Variants in NAV2 observed in about 807,000 individuals in gnomAD.
NAV2 encodes the protein neuron navigator 2.
A neutral mutation model predicts 223.2 loss-of-function variants in NAV2; 54 were observed. The observed-to-expected ratio is 0.24, with a 90% confidence interval of 0.19 to 0.30. The LOEUF (loss-of-function observed/expected upper bound fraction) is 0.30. Among genes scored for constraint, NAV2 ranks in the 10% least tolerant of loss-of-function variants. The pLI, the probability that NAV2 is intolerant of heterozygous loss-of-function variation, is 1.00. For missense variants in NAV2, 2,806 were observed against 3,147.5 expected (o/e 0.89, Z 2.60); for synonymous variants, 1,279 against 1,239.3 (o/e 1.03, Z -0.67).
At chr11:19,966,571 A>G (rs1188606457) in intron 10 of NAV2, among the ~76,000 whole-genome samples, 1 of 152,054 alleles carries the variant, frequency 6.6e-6, no homozygotes, top group African/African-American at 2.4e-5. Flanking sequence ...TGAACCACAG[A>G]CGTTTTCCTT....
chr11:20,081,157 G>C (rs1283695271), intron 25 of NAV2, among the ~76,000 whole-genome samples: 2 of 152,122 alleles, frequency 1.3e-5, no homozygotes, highest in African/African-American at 4.8e-5. Context: ...TAGTAATTTT[G>C]GTTGTCAATG....
At chr11:19,760,482 C>A (rs1342921166) in intron 1 of NAV2, among the ~76,000 whole-genome samples, 1 of 152,168 alleles carries the variant, frequency 6.6e-6, no homozygotes, top group Non-Finnish European at 1.5e-5. Context: ...ACCATGCACA[C>A]CAACCATCGA....
intron 6 of NAV2, among the ~76,000 whole-genome samples, chr11:19,912,606 A>C (rs2043408248): frequency 6.6e-6 from 1 of 152,184 alleles, no homozygotes; most frequent in Non-Finnish European, 1.5e-5. Context: ...TGTCATGAAG[A>C]CCGTCCTTTA....
At chr11:20,071,089 A>G (rs949729904) in intron 22 of NAV2, among the ~76,000 whole-genome samples, 3 of 149,226 alleles carry the variant, frequency 2.0e-5, no homozygotes, top group African/African-American at 7.5e-5. Flanking sequence ...ATTTCTCCTA[A>G]TACTATCCCT....
At chr11:19,950,785 A>G (rs1207558760) in intron 10 of NAV2, among the ~76,000 whole-genome samples, 6 of 152,372 alleles carry the variant, frequency 3.9e-5, no homozygotes, top group East Asian at 3.9e-4. Flanking sequence ...TACTTAATGT[A>G]TATACACAGA....
chr11:20,067,022 G>A lies in NAV2; in HGVS notation c.4885-1164G>A, dbSNP rs148933889. 2.9e-4 allele frequency among the ~76,000 whole-genome samples: 44 copies of A among 152,300 alleles called. No homozygotes were observed. The East Asian group carries it at 7.9e-3, about 27-fold the overall frequency. On this transcript the variant is annotated intron_variant, in intron 20 of 37. Coordinates refer to ENST00000349880, the MANE Select transcript of NAV2 (RefSeq NM_145117.5). ...ATTCATGTGGGCTCCCCCTGTGGGA[G>A]GAGAGAGGGTCTTATAGTTTCTGGC... is the stretch of plus-strand genomic sequence containing the variant.
chr11:19,498,657 C>A (rs552936246), intron 1 of NAV2, among the ~76,000 whole-genome samples: 3 of 152,282 alleles, frequency 2.0e-5, no homozygotes, highest in African/African-American at 7.2e-5. Context: ...CTGTTACATT[C>A]TTTCGTCTAT....
chr11:19,370,971 A>G (rs1202165601), intron 1 of NAV2, among the ~76,000 whole-genome samples: 3 of 152,228 alleles, frequency 2.0e-5, no homozygotes, highest in Non-Finnish European at 2.9e-5. Context: ...AGAAGGTCAG[A>G]GATGGAGGTT....
chr11:19,372,850 A>G (rs1417574223), intron 1 of NAV2, among the ~76,000 whole-genome samples: 1 of 152,242 alleles, frequency 6.6e-6, no homozygotes, highest in Admixed American at 6.5e-5. Flanking sequence ...TGGAGTTTCT[A>G]GGAAAGATTC....
intron 1 of NAV2, among the ~76,000 whole-genome samples, chr11:19,551,952 A>G (rs981745093): frequency 1.3e-5 from 2 of 151,106 alleles, no homozygotes; most frequent in Non-Finnish European, 2.9e-5. Context: ...TTTCAAGAGG[A>G]CATTAGCTCC....
chr11:19,438,606 C>T (rs1268361856), intron 1 of NAV2, among the ~76,000 whole-genome samples: 1 of 152,200 alleles, frequency 6.6e-6, no homozygotes, highest in African/African-American at 2.4e-5. Context: ...GTGACATTGA[C>T]CAATCAGCTA....
At chr11:19,996,811 G>A (rs572516925) in intron 11 of NAV2, among the ~76,000 whole-genome samples, 4 of 152,324 alleles carry the variant, frequency 2.6e-5, no homozygotes, top group African/African-American at 9.6e-5. Flanking sequence ...GCTCAGTACT[G>A]TAAAATTGCC....
At position 19,940,547 on chromosome 11, in the gene NAV2, G is replaced by A. The variant is rs185517008; in HGVS notation, c.2146+774G>A. ...TCAGGGAAATGAGTGGTAAGCCATGGATTTATTAGTGGCTGTGTCATTCTT... is the reference window on the plus strand; with the variant it reads ...TCAGGGAAATGAGTGGTAAGCCATGAATTTATTAGTGGCTGTGTCATTCTT... On this transcript the variant is annotated intron_variant, in intron 8 of 37. Coordinates refer to ENST00000349880, the MANE Select transcript of NAV2 (RefSeq NM_145117.5). Among the ~76,000 whole-genome samples the A allele has an allele frequency of 8.3e-4, 126 of 152,300 alleles. 2 individuals are homozygous for A. The highest frequency in any genetic ancestry group is 2.9e-3 in the African/African-American group (120 of 41,570).
At chr11:19,767,109 C>T (rs1168607388) in intron 1 of NAV2, among the ~76,000 whole-genome samples, 1 of 152,168 alleles carries the variant, frequency 6.6e-6, no homozygotes, top group Non-Finnish European at 1.5e-5. Context: ...GGCCCAGGAA[C>T]CAGGTCAGGG....
intron 1 of NAV2, among the ~76,000 whole-genome samples, chr11:19,598,873 T>G (rs1188542441): frequency 7.5e-6 from 1 of 132,654 alleles, no homozygotes; most frequent in African/African-American, 4.4e-5. Context: ...TAATACGTTC[T>G]TTTATGGCCT....
chr11:19,677,736 G>A (rs2135857512), intron 1 of NAV2, among the ~76,000 whole-genome samples: 1 of 152,354 alleles, frequency 6.6e-6, no homozygotes, highest in African/African-American at 2.4e-5. Flanking sequence ...TGGCCCCCAG[G>A]CCAAATCAGC....
intron 1 of NAV2, among the ~76,000 whole-genome samples, chr11:19,412,476 G>A (rs186585719): frequency 1.3e-4 from 20 of 152,342 alleles, no homozygotes; most frequent in Middle Eastern, 3.4e-3. Flanking sequence ...CCTGGGGGAA[G>A]GGGCGGCTGT....
intron 6 of NAV2, among the ~76,000 whole-genome samples, chr11:19,908,917 A>G (rs938785458): frequency 7.9e-5 from 12 of 152,154 alleles, no homozygotes; most frequent in Non-Finnish European, 1.8e-4. Context: ...ATATGATGAA[A>G]ATATTTTAAA....
intron 1 of NAV2, among the ~76,000 whole-genome samples, chr11:19,715,461 G>A (rs1455865488): frequency 1.3e-5 from 2 of 152,154 alleles, no homozygotes; most frequent in African/African-American, 4.8e-5. Flanking sequence ...TGGGGTTTAT[G>A]AGGTGTAGTG....
Sources: allele counts gnomAD v4.1 joint callset (sites outside exome capture counted in the v4.1 genomes callset), GRCh38; gene constraint gnomAD v4.1.1; transcripts MANE v1.5; gene names NCBI Gene and HGNC (gene_info 2026-07-23, HGNC 2026-07-21).